Variants in SWAP70 observed in about 807,000 individuals in gnomAD.
SWAP70 encodes the protein switching B cell complex subunit SWAP70, also known as switch-associated protein 70.
SWAP70 carries 34 observed loss-of-function variants against 80.2 expected under a neutral mutation model. The ratio of observed to expected loss-of-function variants is 0.42; its 90% CI spans 0.32 to 0.56. The LOEUF (loss-of-function observed/expected upper bound fraction) is 0.56. Ranked by LOEUF, SWAP70 falls within the 20% of genes least tolerant of loss-of-function variation. SWAP70 has a pLI of 0.09. For synonymous variants in SWAP70, 239 were observed against 238.5 expected (o/e 1.00, Z -0.02); for missense variants, 578 against 690.7 (o/e 0.84, Z 1.83).
intron 1 of SWAP70, among the ~76,000 whole-genome samples, chr11:9,687,976 G>A (rs1850652720): frequency 6.6e-6 from 1 of 152,172 alleles, no homozygotes. Context: ...GAAGAGAAAT[G>A]TTTCCAGCAC....
At position 9,750,074 on chromosome 11, in the gene SWAP70, A is replaced by T; in HGVS notation, c.*104A>T. The T allele has an allele frequency of 1.3e-6, 1 of 770,338 alleles. No homozygotes were observed. Among genetic ancestry groups the T allele is most frequent in the South Asian group, 1.6e-5 (1 of 61,602 alleles). The allele number at this position is 770,338 out of a possible 1,614,324, so 47.7% of individuals were successfully genotyped here. ...CTTTGGGGGCCGGGCGTGGTGGCTC[A>T]CGCCTGTAATCCCAGCACTTTGGGA... On this transcript the variant is annotated 3_prime_UTR_variant, in exon 12 of 12. Transcript: ENST00000318950.
At position 9,686,150 on chromosome 11, in the gene SWAP70, A is replaced by G. The variant is rs191856003; in HGVS notation, c.100-7996A>G. On this transcript the variant is annotated intron_variant, in intron 1 of 11. Coordinates refer to ENST00000318950, the MANE Select transcript of SWAP70 (RefSeq NM_015055.4). ...TGTATTAAAGTACAGAGTCCAAAGT[A>G]AAACATTCAAATTCTACCACCAAAG... Among the ~76,000 whole-genome samples the G allele has an allele frequency of 2.2e-3, 334 of 152,010 alleles. 3 individuals are homozygous for G. Among genetic ancestry groups the G allele is most frequent in the African/African-American group, 7.8e-3 (325 of 41,550 alleles).
At chr11:9,703,385 CT>C (rs1565120397) in intron 2 of SWAP70, 1 of 456,282 alleles carries the variant, frequency 2.2e-6, no homozygotes, top group Admixed American at 2.3e-5. Context: ...GGCCTTCTCT[CT>C]GTTCCCCAGA....
intron 1 of SWAP70, among the ~76,000 whole-genome samples, chr11:9,666,156 G>C (rs1019069451): frequency 3.3e-5 from 5 of 151,074 alleles, no homozygotes; most frequent in African/African-American, 9.7e-5. Flanking sequence ...TGTGATCTCG[G>C]CTCACTGCAA....
intron 7 of SWAP70, among the ~76,000 whole-genome samples, chr11:9,735,957 C>CT (rs546078516): frequency 7.2e-5 from 11 of 151,894 alleles, no homozygotes; most frequent in Non-Finnish European, 1.2e-4. Flanking sequence ...ATTTTTTCTA[C>CT]TTTTTTTTCC....
chr11:9,691,686 A>C (rs1209356213), intron 1 of SWAP70, among the ~76,000 whole-genome samples: 1 of 152,216 alleles, frequency 6.6e-6, no homozygotes, highest in Non-Finnish European at 1.5e-5. Context: ...CCCGAGTTCT[A>C]GTCTCAGTTC....
At chr11:9,728,244 C>A (rs144667277) in intron 5 of SWAP70, 45 bp downstream of exon 5, 1 of 1,510,960 alleles carries the variant, frequency 6.6e-7, no homozygotes, top group Non-Finnish European at 8.8e-7. Flanking sequence ...CGTGCTGCCC[C>A]CTGATGCTGA....
chr11:9,667,751 G>A lies in SWAP70; in HGVS notation c.99+3473G>A, dbSNP rs543422254. ...CTAATGTTTGTACTTATGTAGAGATGGAGTTTTGCCATTTGCCCAGGCTGG... is the reference window on the plus strand; with the variant it reads ...CTAATGTTTGTACTTATGTAGAGATAGAGTTTTGCCATTTGCCCAGGCTGG... On this transcript the variant is annotated intron_variant, in intron 1 of 11. Transcript: ENST00000318950. Among the ~76,000 whole-genome samples, 22 of 152,184 alleles carry A rather than the reference G, an allele frequency of 1.4e-4. No homozygotes were observed. In the Middle Eastern group the frequency reaches 0.01, roughly 71 times the overall value.
At chr11:9,689,520 G>A (rs954351451) in intron 1 of SWAP70, among the ~76,000 whole-genome samples, 1 of 152,194 alleles carries the variant, frequency 6.6e-6, no homozygotes, top group Non-Finnish European at 1.5e-5. Context: ...CAATTATGTG[G>A]GTGCTGAAAG....
intron 3 of SWAP70, among the ~76,000 whole-genome samples, chr11:9,721,861 C>CA (rs969066580): frequency 6.6e-6 from 1 of 151,268 alleles, no homozygotes; most frequent in African/African-American, 2.4e-5. Context: ...TGTTATTTTA[C>CA]AAAAAACATT....
At chr11:9,749,632 A>AT (rs1851559723) in intron 11 of SWAP70, among the ~76,000 whole-genome samples, 1 of 152,220 alleles carries the variant, frequency 6.6e-6, no homozygotes, top group Admixed American at 6.5e-5. Flanking sequence ...AATGTAAAAA[A>AT]ACCAAGCTGT....
intron 3 of SWAP70, chr11:9,720,566 G>A: frequency 1.3e-6 from 1 of 794,606 alleles, no homozygotes; most frequent in Non-Finnish European, 1.5e-6. Context: ...TCACCCACGT[G>A]TAGTCATACT....
intron 2 of SWAP70, 96 bp downstream of exon 2, chr11:9,694,382 G>A: frequency 1.5e-6 from 2 of 1,320,736 alleles, no homozygotes; most frequent in Non-Finnish European, 2.0e-6. Context: ...CTAAGGAGTT[G>A]AGGTACAAAG....
chr11:9,741,859 T>C (rs1279031116), intron 9 of SWAP70: 1 of 146,592 alleles, frequency 6.8e-6, no homozygotes, highest in African/African-American at 2.5e-5. Flanking sequence ...CCCACCACAC[T>C]TTGGGAGGCC....
Position 9,729,400 on chromosome 11 carries a change from A to T in SWAP70, c.847A>T (p.Thr283Ser), listed in dbSNP as rs758838602. The T allele has an allele frequency of 9.9e-6, 16 of 1,613,848 alleles. No homozygotes were observed. Among genetic ancestry groups the T allele is most frequent in the Non-Finnish European group, 1.2e-5 (14 of 1,179,944 alleles). ...CLFLVKCFDKTFEISASDKKK... is the reference protein window; with the variant it reads ...CLFLVKCFDKSFEISASDKKK... ...TTTTCTCGTAAAATGTTTTGATAAG[A>T]CTTTTGAAATCAGTGCTTCAGATAA... Residue 283 changes from threonine (T) to serine (S), a missense_variant, in exon 6 of 12, where the codon ACT becomes TCT. Coordinates refer to ENST00000318950, the MANE Select transcript of SWAP70 (RefSeq NM_015055.4).
At chr11:9,689,545 G>GA (rs546175311) in intron 1 of SWAP70, among the ~76,000 whole-genome samples, 8 of 152,336 alleles carry the variant, frequency 5.3e-5, no homozygotes, top group South Asian at 4.1e-4. Flanking sequence ...GCCTTTGGAG[G>GA]AACAGGCATT....
In SWAP70 at chr11:9,672,819, G is replaced by C. The variant is rs369473469; in HGVS notation, c.99+8541G>C. Among the ~76,000 whole-genome samples the C allele has an allele frequency of 6.6e-4, 101 of 152,140 alleles. 1 individual carries two copies. The South Asian group carries it at 0.012, about 18-fold the overall frequency. Reference sequence around the variant, plus strand: ...TTATATACCTAATTTTTAACAAATAGCATATTATTAAGTAAAAGAAAAATG... The same window carrying C: ...TTATATACCTAATTTTTAACAAATACCATATTATTAAGTAAAAGAAAAATG... On this transcript the variant is annotated intron_variant, in intron 1 of 11. Transcript: ENST00000318950.
At chr11:9,666,688 A>T (rs1590002751) in intron 1 of SWAP70, among the ~76,000 whole-genome samples, 1 of 151,000 alleles carries the variant, frequency 6.6e-6, no homozygotes, top group Admixed American at 6.6e-5. Context: ...AGAAAATTTT[A>T]TTCTTTTTTT....
chr11:9,673,832 A>G (rs1590009698), intron 1 of SWAP70, among the ~76,000 whole-genome samples: 2 of 152,152 alleles, frequency 1.3e-5, no homozygotes, highest in Admixed American at 6.6e-5. Flanking sequence ...GAGCAGGCGA[A>G]AAAAGGGCAG....
Sources: allele counts gnomAD v4.1 joint callset (sites outside exome capture counted in the v4.1 genomes callset), GRCh38; gene constraint gnomAD v4.1.1; transcripts MANE v1.5; gene names NCBI Gene and HGNC (gene_info 2026-07-23, HGNC 2026-07-21).